The following KMT2D variants were observed in gnomAD, a reference collection of about 807,000 sequenced individuals.
KMT2D encodes histone-lysine N-methyltransferase 2D.
In KMT2D, 55 loss-of-function variants were observed where a neutral mutation model predicts 512.7. The ratio of observed to expected loss-of-function variants is 0.11; its 90% CI spans 0.09 to 0.13. The LOEUF (loss-of-function observed/expected upper bound fraction) is 0.13. Ranked by LOEUF, KMT2D falls within the 10% of genes least tolerant of loss-of-function variation. The pLI is 1.00. For missense variants in KMT2D, 6,061 were observed against 7,127.9 expected, an observed-to-expected ratio of 0.85 and a Z score of 5.39; for synonymous variants, 2,995 against 2,904.0, an observed-to-expected ratio of 1.03 and a Z score of -1.01.
In KMT2D at chr12:49,050,589, A is replaced by C. The variant is rs375587213; in HGVS notation, c.2999T>G (p.Ile1000Ser). ...CTDPEPVPPM[I>S]LPPSPGSPVG... Reference sequence around the variant, plus strand: ...TGGGGAGCCTGGAGATGGGGGAAGGATCATAGGGGGGACAGGCTCAGGGTC... The same window carrying C: ...TGGGGAGCCTGGAGATGGGGGAAGGCTCATAGGGGGGACAGGCTCAGGGTC... The change falls in exon 12 of 55, where the codon ATC becomes AGC. Residue 1000 changes from isoleucine (I) to serine (S), a missense_variant. This residue lies in a region of KMT2D where 447 missense variants were observed against 500.1 expected (regional missense o/e 0.89). Transcript: ENST00000301067. 1 of 1,606,686 alleles carries C rather than the reference A, an allele frequency of 6.2e-7. No homozygotes were observed. Among genetic ancestry groups the C allele is most frequent in the Non-Finnish European group, 8.5e-7 (1 of 1,174,882 alleles).
rs2120563815 is a variant in KMT2D, at chr12:49,043,120, C to G, written c.5600G>C (p.Gly1867Ala). Residue 1867 changes from glycine to alanine, a missense_variant, in exon 26 of 55, where the codon GGT becomes GCT. By Grantham distance (60) the Gly-to-Ala change is moderately conservative. Transcript: ENST00000301067. ...TAAGTCAGAGCTAAGCATCCCTTCACCTGGGGTGCCTGGCTTCTCAGGGTC... is the reference window on the plus strand; with the variant it reads ...TAAGTCAGAGCTAAGCATCCCTTCAGCTGGGGTGCCTGGCTTCTCAGGGTC... ...PSDPEKPGTP[G>A]EGMLSSDLDR... is the part of the protein sequence containing the mutation. 1.9e-6 allele frequency: 3 copies of G among 1,614,008 alleles called. No homozygotes were observed. The South Asian group carries it at 3.3e-5, about 18-fold the overall frequency.
chr12:49,027,018 T>C lies in KMT2D; in HGVS notation c.14948A>G (p.Lys4983Arg), dbSNP rs2120366091. 1 of 1,614,012 alleles carries C rather than the reference T, an allele frequency of 6.2e-7. No individual in the cohort carries two copies. Among genetic ancestry groups the C allele is most frequent in the Non-Finnish European group, 8.5e-7 (1 of 1,179,900 alleles). Reference protein sequence around the residue: ...DSRPPRLKKWKGVRWKRLRLL... With the variant: ...DSRPPRLKKWRGVRWKRLRLL... ...CCGAAGCCGCTTCCAGCGCACTCCTTTCCATTTCTTGAGGCGAGGAGGACG... is the reference window on the plus strand; with the variant it reads ...CCGAAGCCGCTTCCAGCGCACTCCTCTCCATTTCTTGAGGCGAGGAGGACG... The change falls in exon 49 of 55, where the codon AAA becomes AGA. Residue 4983 changes from lysine to arginine, a missense_variant. By Grantham distance (26) the Lys-to-Arg change is conservative. Around this residue, in one of 16 missense-constraint regions of KMT2D, gnomAD observed 1,600 missense variants for 1,754.9 expected, o/e 0.91. Coordinates refer to ENST00000301067, the MANE Select transcript of KMT2D (RefSeq NM_003482.4).
Position 49,048,515 on chromosome 12 carries a change from A to G in KMT2D, c.4131+144T>C, listed in dbSNP as rs145124087. ...TCAAGAGAAATGTGATGGATGGACAAACCAATGAATAACATGATTAGAATT... is the reference window on the plus strand; with the variant it reads ...TCAAGAGAAATGTGATGGATGGACAGACCAATGAATAACATGATTAGAATT... On this transcript the variant is annotated intron_variant, in intron 14 of 54. Transcript: ENST00000301067. 409 of 626,208 alleles carry G rather than the reference A, an allele frequency of 6.5e-4. 4 individuals are homozygous for G. In the East Asian group the frequency reaches 6.8e-3, roughly 10 times the overall value. 38.8% of individuals were successfully genotyped at this position (626,208 alleles called of 1,614,324 possible). A position where few individuals can be genotyped will look rare whatever the true frequency, so the allele number is the denominator to read the frequency against.
At chr12:49,058,450 A>G (rs1197790060) in intron 1 of KMT2D, among the ~76,000 whole-genome samples, 1 of 152,182 alleles carries the variant, frequency 6.6e-6, no homozygotes, top group Non-Finnish European at 1.5e-5. Flanking sequence ...GTTGGAGCAG[A>G]TAAGAGTGAG....
At position 49,054,346 on chromosome 12, in the gene KMT2D, T is replaced by C. The variant is rs767818678; in HGVS notation, c.471A>G (p.Leu157=). The C allele has an allele frequency of 1.3e-6, 2 of 1,597,528 alleles. No individual in the cohort carries two copies. The highest frequency in any genetic ancestry group is 1.7e-6 in the Non-Finnish European group (2 of 1,172,222). ...AGVWGQEGPE[L]CGVDKAIFSG... The stretch of plus-strand genomic sequence containing the variant: ...AGAAGATGGCCTTGTCCACACCACA[T>C]AGTTCTGGGCCCTCCTGCCCCCATA... Residue 157 remains leucine (L), a synonymous_variant, in exon 5 of 55, where the codon CTA becomes CTG. Transcript: ENST00000301067. The surrounding 1 kb of genome is among the most constrained non-coding windows in gnomAD (Gnocchi z 6.4).
chr12:49,024,069 G>T lies in KMT2D; in HGVS notation c.16052+509C>A. The T allele has an allele frequency of 2.2e-6, 1 of 456,044 alleles. No individual in the cohort carries two copies. The highest frequency in any genetic ancestry group is 4.4e-6 in the Non-Finnish European group (1 of 226,964). 28.2% of individuals were successfully genotyped at this position (456,044 alleles called of 1,614,324 possible). ...CCTACCTACCTCATAAGGTTGTTGT[G>T]AGGATCAAATGAGATAATGGATGTG... On this transcript the variant is annotated intron_variant, in intron 51 of 54. Coordinates refer to ENST00000301067, the MANE Select transcript of KMT2D (RefSeq NM_003482.4). This position sits in a 1 kb window ranked among gnomAD's most constrained non-coding sequence, Gnocchi z 4.5.
chr12:49,044,393 A>G lies in KMT2D; in HGVS notation c.5083+10T>C, dbSNP rs1943690900. 6.2e-7 allele frequency: 1 copy of G among 1,612,926 alleles called. No homozygotes were observed. Among genetic ancestry groups the G allele is most frequent in the African/African-American group, 1.3e-5 (1 of 74,768 alleles). ...CCCCACCACCCCACAACCCCATCCC[A>G]GGACCTCACCAGGCCGATATGGTTT... On this transcript the variant is annotated intron_variant, in intron 21 of 54. Coordinates refer to ENST00000301067, the MANE Select transcript of KMT2D (RefSeq NM_003482.4). The surrounding 1 kb of genome is among the most constrained non-coding windows in gnomAD (Gnocchi z 6.4).
Position 49,034,010 on chromosome 12 carries a change from C to T in KMT2D, c.10741-46G>A, listed in dbSNP as rs752003559. The T allele has an allele frequency of 5.1e-6, 8 of 1,566,918 alleles. No homozygotes were observed. The Admixed American group carries it at 5.7e-5, about 11-fold the overall frequency. ...AGGTCAGGCTGGGGCATGCTCCCCC[C>T]ATGCCAACCCTCTTCCCTGCCTTCT... On this transcript the variant is annotated intron_variant, in intron 39 of 54. Transcript: ENST00000301067.
chr12:49,056,960 T>C (rs1348597235), intron 1 of KMT2D, among the ~76,000 whole-genome samples: 11 of 152,144 alleles, frequency 7.2e-5, no homozygotes, highest in Admixed American at 6.5e-4. Context: ...CCTAACACTC[T>C]CAGAACTCAC....
rs2120485313 is a variant in KMT2D, at chr12:49,037,763, G to T, written c.9593C>A (p.Pro3198His). 10 of 1,592,584 alleles carry T rather than the reference G, an allele frequency of 6.3e-6. No homozygotes were observed. Among genetic ancestry groups the T allele is most frequent in the Non-Finnish European group, 8.6e-6 (10 of 1,169,338 alleles). ...TCCTCCTGGGCCACTCAGTGGGCTG[G>T]GGGTCAGCAGGTGAGCTGGTGGTCC... is the stretch of plus-strand genomic sequence containing the variant. ...TGGPPAHLLT[P>H]SPLSGPGGSS... The change falls in exon 35 of 55, where the codon CCC (proline) becomes CAC (histidine). Residue 3198 changes from proline (P) to histidine (H), a missense_variant. Pro to His is a moderately conservative substitution (Grantham distance 77). Coordinates refer to ENST00000301067, the MANE Select transcript of KMT2D (RefSeq NM_003482.4).
In KMT2D at chr12:49,051,770, G is replaced by C. The variant is rs749071113; in HGVS notation, c.1913C>G (p.Pro638Arg). 4.3e-6 allele frequency: 7 copies of C among 1,610,604 alleles called. No homozygotes were observed. Among genetic ancestry groups the C allele is most frequent in the Middle Eastern group, 1.7e-4 (1 of 6,036 alleles). ...GGGGGACATAGGTGATTCTTCAGGT[G>C]GTGGGGACATAGGCGAGTCCTCAGG... The part of the protein sequence containing the change: ...PPPEDSPMSP[P>R]PEESPMSPPP... The change falls in exon 11 of 55, where the codon CCA becomes CGA. Residue 638 changes from proline (P) to arginine (R), a missense_variant. By Grantham distance (103) the Pro-to-Arg change is moderately radical (BLOSUM62 -2). Around this residue, in one of 16 missense-constraint regions of KMT2D, gnomAD observed 848 missense variants for 838.5 expected, o/e 1.01. Coordinates refer to ENST00000301067, the MANE Select transcript of KMT2D (RefSeq NM_003482.4).
chr12:49,044,639 CA>C lies in KMT2D; in HGVS notation c.4963+104del. On this transcript the variant is annotated intron_variant, in intron 20 of 54. Transcript: ENST00000301067. This position sits in a 1 kb window ranked among gnomAD's most constrained non-coding sequence, Gnocchi z 6.4. ...CCTCAGAGCCACTTAGACGAGACAGCAGTGCTTAAGGGTAACTGAGTGGCAA... is the reference window on the plus strand; with the variant it reads ...CCTCAGAGCCACTTAGACGAGACAGCGTGCTTAAGGGTAACTGAGTGGCAA... 1 of 1,549,204 alleles carries C rather than the reference CA, an allele frequency of 6.5e-7. No individual in the cohort carries two copies. The highest frequency in any genetic ancestry group is 8.8e-7 in the Non-Finnish European group (1 of 1,137,668).
chr12:49,048,806 A>C, intron 13 of KMT2D, 37 bp from the exon 14 acceptor site: 2 of 1,364,518 alleles, frequency 1.5e-6, no homozygotes, highest in South Asian at 2.4e-5. Flanking sequence ...GAGGCAGATA[A>C]ATCTGCCCCC....
chr12:49,030,450 G>C lies in KMT2D; in HGVS notation c.13840-11C>G. On this transcript the variant is annotated splice_polypyrimidine_tract_variant and intron_variant, in intron 42 of 54. Coordinates refer to ENST00000301067, the MANE Select transcript of KMT2D (RefSeq NM_003482.4). ...GTTACTCAGGTTATTCTGAGGGGTG[G>C]GGGGTGGGGTGTTGTGTGCAAGATG... is the stretch of plus-strand genomic sequence containing the variant. 1 of 553,196 alleles carries C rather than the reference G, an allele frequency of 1.8e-6. No homozygotes were observed. Among genetic ancestry groups the C allele is most frequent in the Non-Finnish European group, 2.9e-6 (1 of 342,776 alleles). The allele number at this position is 553,196 out of a possible 1,614,324, so 34.3% of individuals were successfully genotyped here.
At position 49,050,548 on chromosome 12, in the gene KMT2D, G is replaced by A. The variant is rs1240886578; in HGVS notation, c.3040C>T (p.Pro1014Ser). 2 of 1,605,502 alleles carry A rather than the reference G, an allele frequency of 1.2e-6. No homozygotes were observed. The highest frequency in any genetic ancestry group is 2.2e-5 in the South Asian group (2 of 90,608). ...GGAGGAAGGGGCTCCATCAGGATGG[G>A]AGAAGCCGGCCCCACTGGGGAGCCT... ...SPGSPVGPAS[P>S]ILMEPLPPQC... Residue 1014 changes from proline to serine, a missense_variant, in exon 12 of 55, where the codon CCC (proline) becomes TCC (serine). This residue lies in a region of KMT2D where 447 missense variants were observed against 500.1 expected (regional missense o/e 0.89). Coordinates refer to ENST00000301067, the MANE Select transcript of KMT2D (RefSeq NM_003482.4).
At position 49,044,409 on chromosome 12, in the gene KMT2D, G is replaced by A. The variant is rs2120583112; in HGVS notation, c.5077C>T (p.Arg1693Trp). 3 of 1,613,770 alleles carry A rather than the reference G, an allele frequency of 1.9e-6. No homozygotes were observed. The highest frequency in any genetic ancestry group is 2.5e-6 in the Non-Finnish European group (3 of 1,179,840). Residue 1693 changes from arginine (R) to tryptophan (W), a missense_variant, in exon 21 of 55, where the codon CGG becomes TGG. By Grantham distance (101) the Arg-to-Trp change is moderately radical. Coordinates refer to ENST00000301067, the MANE Select transcript of KMT2D (RefSeq NM_003482.4). The surrounding 1 kb of genome is among the most constrained non-coding windows in gnomAD (Gnocchi z 6.4). ...ESKKRKRKPY[R>W]PGIGGFMVRQ... ...CCCCATCCCAGGACCTCACCAGGCC[G>A]ATATGGTTTACGCTTGCGTTTTTTG...
Position 49,033,146 on chromosome 12 carries a change from G to C in KMT2D, c.11559C>G (p.Val3853=). The change falls in exon 40 of 55, where the codon GTC becomes GTG. Residue 3853 remains valine, a synonymous_variant. Coordinates refer to ENST00000301067, the MANE Select transcript of KMT2D (RefSeq NM_003482.4). ...GTTGCTGCTGCTGCTGCTGGGCTGT[G>C]ACCAGCCTGTGTCCCATAAGGCCCT... ...QGQGLMGHRL[V]TAQQQQQQQQ... The C allele has an allele frequency of 6.4e-7, 1 of 1,550,772 alleles. No individual in the cohort carries two copies. Among genetic ancestry groups the C allele is most frequent in the Non-Finnish European group, 8.7e-7 (1 of 1,146,696 alleles).
chr12:49,043,012 T>C (rs1592140765), intron 26 of KMT2D, 64 bp downstream of exon 26: 2 of 1,559,170 alleles, frequency 1.3e-6, no homozygotes, highest in South Asian at 1.1e-5. Context: ...GTCCCAAAGA[T>C]AGGACCTCCT....
rs1195545294 is a variant in KMT2D at position 49,039,112 on chromosome 12, G to GGA, written c.8366+109_8366+110insTC. The GGA allele has an allele frequency of 1.3e-6, 2 of 1,528,638 alleles. No individual in the cohort carries two copies. The highest frequency in any genetic ancestry group is 1.8e-6 in the Non-Finnish European group (2 of 1,109,526). 94.7% of individuals were successfully genotyped at this position (1,528,638 alleles called of 1,614,324 possible). ...GGGAGAAAAGGAATGAGGAAGAAGAGAAAGTGATACTGGAAAAGGATTAGT... is the reference window on the plus strand; with the variant it reads ...GGGAGAAAAGGAATGAGGAAGAAGAGGAAAAGTGATACTGGAAAAGGATTAGT... On this transcript the variant is annotated intron_variant, in intron 34 of 54. Coordinates refer to ENST00000301067, the MANE Select transcript of KMT2D (RefSeq NM_003482.4). The surrounding 1 kb of genome is among the most constrained non-coding windows in gnomAD (Gnocchi z 5.0).
Sources: allele counts gnomAD v4.1 joint callset (sites outside exome capture counted in the v4.1 genomes callset), GRCh38; gene constraint gnomAD v4.1.1; regional missense constraint gnomAD v4.1.1; non-coding constraint Gnocchi (gnomAD v3.1); transcripts MANE v1.5; gene names NCBI Gene and HGNC (gene_info 2026-07-23, HGNC 2026-07-21).